PMFBP1: variants seen among roughly 807,000 people sequenced by gnomAD.
The protein encoded by PMFBP1 is polyamine modulated factor 1 binding protein 1.
Under a neutral mutation model 137.8 loss-of-function variants are expected in PMFBP1, and 131 were observed. The observed-to-expected ratio is 0.95, with a 90% CI of 0.82 to 1.10. The LOEUF (loss-of-function observed/expected upper bound fraction) is 1.10, where lower values mean the gene tolerates loss of function less well. PMFBP1 is among the 50% of genes least tolerant of loss of function. PMFBP1 has a pLI of 0.00. For missense variants in PMFBP1, 1,199 were observed against 1,175.4 expected (o/e 1.02, Z -0.29); for synonymous variants, 490 against 450.4 (o/e 1.09, Z -1.11).
At chr16:72,244,047 C>A in the PMFBP1 span, among the ~76,000 whole-genome samples, 1 of 152,106 alleles carries the variant, frequency 6.6e-6, no homozygotes, top group African/African-American at 2.4e-5. Context: ...CTGTCTAGAG[C>A]CTATTCTGCA....
At chr16:72,157,243 A>G (rs1232290056) in intron 3 of PMFBP1, among the ~76,000 whole-genome samples, 1 of 151,376 alleles carries the variant, frequency 6.6e-6, no homozygotes, top group Non-Finnish European at 1.5e-5. Context: ...TGGAGTTTGC[A>G]TCTAATATGG....
chr16:72,149,575 C>G (rs1164351854), intron 5 of PMFBP1, among the ~76,000 whole-genome samples: 5 of 152,116 alleles, frequency 3.3e-5, no homozygotes, highest in Non-Finnish European at 2.9e-5. Context: ...GTAATCCTAG[C>G]ACTTTGGGAG....
At chr16:72,158,797 C>T (rs1425340726) in intron 3 of PMFBP1, among the ~76,000 whole-genome samples, 2 of 152,120 alleles carry the variant, frequency 1.3e-5, no homozygotes, top group Non-Finnish European at 2.9e-5. Flanking sequence ...AGTTCAAGAC[C>T]AGCCTGGGCA....
In PMFBP1 at chr16:72,130,837, C is replaced by T. The variant is rs760446680; in HGVS notation, c.1448-115G>A. On this transcript the variant is annotated intron_variant, in intron 10 of 20. Coordinates refer to ENST00000237353, the MANE Select transcript of PMFBP1 (RefSeq NM_031293.3). ...TTTGTGCCCTACTTCAGTTCCCAGT[C>T]TGTCCTCATTTCTCTCCATTTCATG... The T allele has an allele frequency of 8.0e-5, 73 of 916,844 alleles. 1 individual carries two copies. In the Middle Eastern group the frequency reaches 1.4e-3, roughly 17 times the overall value. The allele number at this position is 916,844 out of a possible 1,614,324, so 56.8% of individuals were successfully genotyped here.
chr16:72,122,763 T>C (rs1464008559), intron 19 of PMFBP1, 151 bp downstream of exon 19: 15 of 646,018 alleles, frequency 2.3e-5, no homozygotes, highest in East Asian at 1.4e-4. Context: ...CAAGGTCACA[T>C]AGATGCAGAT....
intron 19 of PMFBP1, among the ~76,000 whole-genome samples, chr16:72,122,627 C>A (rs1023520499): frequency 1.3e-5 from 2 of 152,224 alleles, no homozygotes; most frequent in Non-Finnish European, 2.9e-5. Flanking sequence ...CCTTTCAGTG[C>A]CTGTTCCCTG....
the PMFBP1 span, among the ~76,000 whole-genome samples, chr16:72,189,671 T>C: frequency 6.6e-6 from 1 of 152,200 alleles, no homozygotes; most frequent in South Asian, 2.1e-4. Flanking sequence ...CTGCTGTAAT[T>C]GCCCAAGGGG....
chr16:72,228,240 T>C, the PMFBP1 span, among the ~76,000 whole-genome samples: 1 of 152,142 alleles, frequency 6.6e-6, no homozygotes, highest in African/African-American at 2.4e-5. Flanking sequence ...CTAAGGCTAC[T>C]CTGAACACAC....
the PMFBP1 span, among the ~76,000 whole-genome samples, chr16:72,187,162 A>T: frequency 6.6e-6 from 1 of 152,192 alleles, no homozygotes; most frequent in African/African-American, 2.4e-5. Flanking sequence ...CAAACAAAGA[A>T]ACTTAACTTC....
At chr16:72,165,075 A>G (rs1177140317) in intron 2 of PMFBP1, among the ~76,000 whole-genome samples, 159 bp from the exon 3 acceptor site, 1 of 152,134 alleles carries the variant, frequency 6.6e-6, no homozygotes, top group African/African-American at 2.4e-5. Context: ...CACAGTTTCC[A>G]ATTGCCAGGT....
the PMFBP1 span, among the ~76,000 whole-genome samples, chr16:72,243,028 C>T: frequency 6.6e-6 from 1 of 152,154 alleles, no homozygotes; most frequent in South Asian, 2.1e-4. Flanking sequence ...GACAAAATAT[C>T]CAAATGGGAG....
At chr16:72,139,706 T>C (rs1233440116) in intron 6 of PMFBP1, among the ~76,000 whole-genome samples, 2 of 152,154 alleles carry the variant, frequency 1.3e-5, no homozygotes, top group African/African-American at 2.4e-5. Context: ...TGGAGAGATA[T>C]ACCTAATCTA....
the PMFBP1 span, among the ~76,000 whole-genome samples, chr16:72,210,959 T>C: frequency 6.6e-6 from 1 of 152,170 alleles, no homozygotes; most frequent in Non-Finnish European, 1.5e-5. Flanking sequence ...GGGCTAGAAA[T>C]AGTCCCCTGC....
the PMFBP1 span, among the ~76,000 whole-genome samples, chr16:72,210,208 T>A: frequency 6.6e-6 from 1 of 152,176 alleles, no homozygotes; most frequent in African/African-American, 2.4e-5. Context: ...TGGTAAAGAT[T>A]TTAATGTGTC....
At chr16:72,171,547 G>A (rs1329354055) in intron 1 of PMFBP1, 2 of 334,808 alleles carry the variant, frequency 6.0e-6, no homozygotes, top group African/African-American at 2.1e-5. Flanking sequence ...AGTCTGAATC[G>A]AGTTTACTTT....
chr16:72,208,254 G>C, the PMFBP1 span, among the ~76,000 whole-genome samples: 1 of 152,222 alleles, frequency 6.6e-6, no homozygotes, highest in African/African-American at 2.4e-5. Flanking sequence ...AAGTTAGCTT[G>C]TGGAAGGCTA....
At chr16:72,135,605 T>C (rs1363918779) in intron 9 of PMFBP1, among the ~76,000 whole-genome samples, 1 of 151,890 alleles carries the variant, frequency 6.6e-6, no homozygotes, top group Non-Finnish European at 1.5e-5. Flanking sequence ...TCACCACCTT[T>C]CTGTTCTTGG....
intron 9 of PMFBP1, 37 bp downstream of exon 9, chr16:72,136,411 C>T (rs767694257): frequency 2.5e-6 from 4 of 1,601,736 alleles, no homozygotes; most frequent in South Asian, 1.1e-5. Flanking sequence ...CTCACACCTG[C>T]CCCATTGGGA....
chr16:72,214,753 C>T, the PMFBP1 span, among the ~76,000 whole-genome samples: 8 of 151,998 alleles, frequency 5.3e-5, 1 homozygote, highest in East Asian at 1.2e-3. Context: ...AGGAATAAAT[C>T]CAACATTATA....
Sources: allele counts gnomAD v4.1 joint callset (sites outside exome capture counted in the v4.1 genomes callset), GRCh38; gene constraint gnomAD v4.1.1; transcripts MANE v1.5; gene names NCBI Gene and HGNC (gene_info 2026-07-23, HGNC 2026-07-21).